Variants in P2RY8 observed in about 807,000 individuals in gnomAD.
P2RY8 encodes S-geranylgeranyl-glutathione receptor P2RY8.
P2RY8 carries 6 observed loss-of-function variants against 10.0 expected under a neutral mutation model. The observed-to-expected ratio is 0.60, with a 90% CI of 0.33 to 1.19. The LOEUF (loss-of-function observed/expected upper bound fraction) is 1.19. Ranked by LOEUF, P2RY8 falls within the 50% of genes most tolerant of loss-of-function variation. The pLI, the probability that P2RY8 is intolerant of heterozygous loss-of-function variation, is 0.04. For missense variants in P2RY8, 456 were observed against 542.0 expected (o/e 0.84, Z 1.58); for synonymous variants, 276 against 252.5 (o/e 1.09, Z -0.88).
chrX:1,498,030 A>G (rs1206000919), intron 1 of P2RY8, among the ~76,000 whole-genome samples: 3 of 151,878 alleles, frequency 2.0e-5, no homozygotes, highest in South Asian at 4.1e-4. Flanking sequence ...TAAAAGACCA[A>G]CTGCTCCCTG....
In P2RY8 at chrX:1,513,480, C is replaced by T. The variant is rs191150312; in HGVS notation, c.-25+23441G>A. On this transcript the variant is annotated intron_variant, in intron 1 of 1. Coordinates refer to ENST00000381297, the MANE Select transcript of P2RY8 (RefSeq NM_178129.5). ...GCTCCAGGCATCCCTGGGCTTGTGG[C>T]CGCATCACTCCAGTGTCTGCCTCTG... 5.4e-3 allele frequency among the ~76,000 whole-genome samples: 822 copies of T among 151,318 alleles called. 8 individuals carry two copies. The highest frequency in any genetic ancestry group is 0.018 in the African/African-American group (744 of 41,200).
chrX:1,490,350 G>C (rs2149390422), intron 1 of P2RY8, among the ~76,000 whole-genome samples: 1 of 148,784 alleles, frequency 6.7e-6, no homozygotes, highest in South Asian at 2.1e-4. Context: ...AATGTAGAGA[G>C]AATGAATGAA....
At position 1,463,014 on chromosome X, in the gene P2RY8, C is replaced by T. The variant is rs1408741481; in HGVS notation, c.*2465G>A. ...ATCGACGCATTTTGCCTGCTTGCAA[C>T]GTCTTCCTTTGCTGGGGGACGTCAG... On this transcript the variant is annotated 3_prime_UTR_variant, in exon 2 of 2. Coordinates refer to ENST00000381297, the MANE Select transcript of P2RY8 (RefSeq NM_178129.5). 3 of 232,822 alleles carry T rather than the reference C, an allele frequency of 1.3e-5. No individual in the cohort carries two copies. The highest frequency in any genetic ancestry group is 5.6e-5 in the Admixed American group (1 of 17,738). 14.4% of individuals were successfully genotyped at this position (232,822 alleles called of 1,614,324 possible). A position where few individuals can be genotyped will look rare whatever the true frequency, so the allele number is the denominator to read the frequency against.
intron 1 of P2RY8, among the ~76,000 whole-genome samples, chrX:1,501,861 G>A (rs1474256450): frequency 6.6e-6 from 1 of 152,090 alleles, no homozygotes; most frequent in Non-Finnish European, 1.5e-5. Flanking sequence ...CCAAAGTGCT[G>A]GGATTACAGG....
rs1248957795 is a variant in P2RY8, at chrX:1,496,050, ATGTC to A, written c.-24-29472_-24-29469del. On this transcript the variant is annotated intron_variant, in intron 1 of 1. Transcript: ENST00000381297. ...AGCCTCCAGGACTGTGGGAGAAACAATGTCTGTTGTTTACAGTCCACCCAGTTTG... is the reference window on the plus strand; with the variant it reads ...AGCCTCCAGGACTGTGGGAGAAACAATGTTGTTTACAGTCCACCCAGTTTG... Among the ~76,000 whole-genome samples the A allele has an allele frequency of 2.0e-5, 3 of 152,200 alleles. No individual in the cohort carries two copies. In the East Asian group the frequency reaches 5.8e-4, roughly 29 times the overall value.
intron 1 of P2RY8, among the ~76,000 whole-genome samples, chrX:1,477,187 T>TG (rs2091884004): frequency 8.7e-6 from 1 of 114,662 alleles, no homozygotes; most frequent in Admixed American, 9.3e-5. Context: ...AGACTGCATC[T>TG]CAAAAAAAAA....
chrX:1,498,520 G>A (rs767372658), intron 1 of P2RY8, among the ~76,000 whole-genome samples: 28 of 115,770 alleles, frequency 2.4e-4, no homozygotes, highest in African/African-American at 6.9e-4. Context: ...AGCCAACTCT[G>A]TATTTTTTTT....
Position 1,463,486 on chromosome X carries a change from T to C in P2RY8, c.*1993A>G, listed in dbSNP as rs1343647901. 3 of 231,980 alleles carry C rather than the reference T, an allele frequency of 1.3e-5. No individual in the cohort carries two copies. The Admixed American group carries it at 1.7e-4, about 13-fold the overall frequency. The allele number at this position is 231,980 out of a possible 1,614,324, so 14.4% of individuals were successfully genotyped here. A position where few individuals can be genotyped will look rare whatever the true frequency, so the allele number is the denominator to read the frequency against. The stretch of plus-strand genomic sequence containing the variant: ...CACGTGTCCTCCTGCTCTGTGTCTG[T>C]GTCTCCTCTTCTGTCTCTTGGAAGG... On this transcript the variant is annotated 3_prime_UTR_variant, in exon 2 of 2. Coordinates refer to ENST00000381297, the MANE Select transcript of P2RY8 (RefSeq NM_178129.5).
intron 1 of P2RY8, among the ~76,000 whole-genome samples, chrX:1,469,225 G>A (rs753317766): frequency 4.8e-5 from 7 of 145,402 alleles, no homozygotes; most frequent in East Asian, 2.1e-4. Flanking sequence ...ATGCAATGGC[G>A]TGATCTCGGC....
intron 1 of P2RY8, among the ~76,000 whole-genome samples, chrX:1,477,972 C>T (rs5990008): frequency 0.49 from 73,628 of 151,784 alleles, 18,063 homozygotes; most frequent in South Asian, 0.65. Flanking sequence ...AATGCCTGCA[C>T]GTGCCCCTCA....
At chrX:1,531,427 T>A (rs2092474808) in intron 1 of P2RY8, among the ~76,000 whole-genome samples, 1 of 151,968 alleles carries the variant, frequency 6.6e-6, no homozygotes, top group South Asian at 2.1e-4. Flanking sequence ...GCTTACAGGG[T>A]CCCCCGTAAA....
chrX:1,476,032 C>T (rs768058130), intron 1 of P2RY8, among the ~76,000 whole-genome samples: 1 of 152,268 alleles, frequency 6.6e-6, no homozygotes, highest in Admixed American at 6.5e-5. Flanking sequence ...TCTTCTTGAC[C>T]TTTGACATGT....
At chrX:1,493,437 AAGGAGGAGGAAGGAGGAAGGAGGG>A (rs2092083362) in intron 1 of P2RY8, among the ~76,000 whole-genome samples, 3 of 28,636 alleles carry the variant, frequency 1.0e-4, no homozygotes, top group Admixed American at 1.0e-3. Flanking sequence ...GGAGGGAGGG[AAGGAGGAGGAAGGAGGAAGGAGGG>A]AGGAGGGAGG....
chrX:1,524,587 A>G (rs2077496193), intron 1 of P2RY8, among the ~76,000 whole-genome samples: 1 of 143,592 alleles, frequency 7.0e-6, no homozygotes, highest in Non-Finnish European at 1.5e-5. Context: ...CCATCCATCC[A>G]TCCATCCATT....
chrX:1,469,781 C>A (rs183704343), intron 1 of P2RY8, among the ~76,000 whole-genome samples: 35,709 of 151,752 alleles, frequency 0.24, 5,317 homozygotes, highest in East Asian at 0.58. Flanking sequence ...GGTGGCGAGT[C>A]CCAGCTACTC....
rs2091632349 is a variant in P2RY8 at position 1,464,387 on chromosome X, C to T, written c.*1092G>A. 4.3e-6 allele frequency: 1 copy of T among 233,726 alleles called. No individual in the cohort carries two copies. The highest frequency in any genetic ancestry group is 8.4e-6 in the Non-Finnish European group (1 of 118,406). The allele number at this position is 233,726 out of a possible 1,614,324, so 14.5% of individuals were successfully genotyped here. On this transcript the variant is annotated 3_prime_UTR_variant, in exon 2 of 2. Transcript: ENST00000381297. ...GGAGGGGGCTCAGCGGCTGACACCCCTGTAGGTTCCTGGGGTCCACACCTG... is the reference window on the plus strand; with the variant it reads ...GGAGGGGGCTCAGCGGCTGACACCCTTGTAGGTTCCTGGGGTCCACACCTG...
chrX:1,497,132 G>T (rs2092124511), intron 1 of P2RY8, among the ~76,000 whole-genome samples: 1 of 146,362 alleles, frequency 6.8e-6, no homozygotes. Flanking sequence ...TGAGGCAGGA[G>T]AATCACTTCA....
intron 1 of P2RY8, among the ~76,000 whole-genome samples, chrX:1,532,769 A>C (rs1291584241): frequency 6.6e-6 from 1 of 151,984 alleles, no homozygotes; most frequent in Non-Finnish European, 1.5e-5. Context: ...TGGGAGGTCG[A>C]GGTGGGCAGA....
chrX:1,503,897 A>G (rs2092203947), intron 1 of P2RY8, among the ~76,000 whole-genome samples: 1 of 151,888 alleles, frequency 6.6e-6, no homozygotes. Context: ...AAACAAAACA[A>G]AAAACAAGAA....
Sources: allele counts gnomAD v4.1 joint callset (sites outside exome capture counted in the v4.1 genomes callset), GRCh38; gene constraint gnomAD v4.1.1; transcripts MANE v1.5; gene names NCBI Gene and HGNC (gene_info 2026-07-23, HGNC 2026-07-21).